Variants in DOP1B observed in about 807,000 individuals in gnomAD.
DOP1B encodes protein DOP1B.
Under a neutral mutation model 233.5 loss-of-function variants are expected in DOP1B, and 174 were observed. That is an observed-to-expected ratio of 0.75 (90% confidence interval 0.66 to 0.85). DOP1B has a LOEUF of 0.85. DOP1B is among the 40% of genes least tolerant of loss of function. The pLI is 0.00. For synonymous variants in DOP1B, 1,190 were observed against 1,185.6 expected (o/e 1.00, Z -0.08); for missense variants, 2,652 against 2,846.6 (o/e 0.93, Z 1.56).
At chr21:36,187,373 C>T (rs538934925) in intron 2 of DOP1B, among the ~76,000 whole-genome samples, 77 of 150,028 alleles carry the variant, frequency 5.1e-4, no homozygotes, top group Admixed American at 3.4e-3. Context: ...CAGCTCACTG[C>T]AACCTCCGCC....
chr21:36,195,307 C>CTCCA, intron 2 of DOP1B, among the ~76,000 whole-genome samples: 1 of 142,976 alleles, frequency 7.0e-6, no homozygotes, highest in Middle Eastern at 3.8e-3. Flanking sequence ...CACCACTGCA[C>CTCCA]TCCAGCCTTG....
At chr21:36,213,156 A>C (rs1339850620) in intron 7 of DOP1B, among the ~76,000 whole-genome samples, 1 of 152,200 alleles carries the variant, frequency 6.6e-6, no homozygotes, top group African/African-American at 2.4e-5. Context: ...CTAGTTATAA[A>C]ACTTTAGAAA....
Position 36,293,491 on chromosome 21 carries a change from C to A in DOP1B, c.6817C>A (p.Pro2273Thr), listed in dbSNP as rs1228621292. ...DSPGTPFLDFPVTDSPRILKQ... is the reference protein window; with the variant it reads ...DSPGTPFLDFTVTDSPRILKQ... ...CCCAGGAACTCCATTCTTGGACTTT[C>A]CTGTCACAGATAGCCCAAGGATCTT... The change falls in exon 37 of 37, where the codon CCT becomes ACT. Residue 2273 changes from proline to threonine, a missense_variant. Transcript: ENST00000691173. 6.2e-7 allele frequency: 1 copy of A among 1,614,098 alleles called. No individual in the cohort carries two copies. Among genetic ancestry groups the A allele is most frequent in the East Asian group, 2.2e-5 (1 of 44,882 alleles).
intron 24 of DOP1B, chr21:36,261,430 GTTT>G: frequency 1.0e-6 from 1 of 988,428 alleles, no homozygotes; most frequent in South Asian, 4.7e-5. Context: ...GCCTTCCCAT[GTTT>G]TATGTGGAGA....
At chr21:36,254,907 G>GGAGA (rs994604085) in intron 23 of DOP1B, among the ~76,000 whole-genome samples, 1 of 151,854 alleles carries the variant, frequency 6.6e-6, no homozygotes, top group Non-Finnish European at 1.5e-5. Context: ...ATCAGCTCAA[G>GGAGA]GAGAGAGTCT....
chr21:36,280,587 C>G (rs376373904), intron 31 of DOP1B, among the ~76,000 whole-genome samples: 3 of 152,158 alleles, frequency 2.0e-5, no homozygotes, highest in Non-Finnish European at 4.4e-5. Flanking sequence ...GAAATACTGC[C>G]GAAAGCATCC....
chr21:36,199,061 G>C lies in DOP1B; in HGVS notation c.139-9G>C. On this transcript the variant is annotated splice_polypyrimidine_tract_variant and intron_variant, in intron 2 of 36. Transcript: ENST00000691173. ...CTTCCTCATGTGTTTTTTTTGTCTT[G>C]TTTGACAGGCTCTTCAGAGTAACCT... The C allele has an allele frequency of 6.3e-7, 1 of 1,594,710 alleles. No individual in the cohort carries two copies.
At chr21:36,259,395 T>C (rs2067144626) in intron 23 of DOP1B, among the ~76,000 whole-genome samples, 1 of 151,806 alleles carries the variant, frequency 6.6e-6, no homozygotes, top group African/African-American at 2.4e-5. Context: ...CTCTGCCTCC[T>C]GAGTAGCTGG....
At chr21:36,219,246 T>A in intron 9 of DOP1B, 126 bp from the exon 10 acceptor site, 1 of 1,260,852 alleles carries the variant, frequency 7.9e-7, no homozygotes. Flanking sequence ...TCTGTATATT[T>A]TAGACTATAT....
intron 12 of DOP1B, among the ~76,000 whole-genome samples, chr21:36,226,880 G>A (rs2066690083): frequency 1.3e-5 from 2 of 152,144 alleles, no homozygotes; most frequent in Non-Finnish European, 2.9e-5. Context: ...TTATAGGCAT[G>A]AGCCACTACG....
chr21:36,161,718 C>T (rs184553974), intron 1 of DOP1B, among the ~76,000 whole-genome samples: 5 of 152,316 alleles, frequency 3.3e-5, no homozygotes, highest in Admixed American at 2.6e-4. Context: ...CATTTTAGCA[C>T]GTTTGCCTTA....
chr21:36,220,667 A>ATTTTT (rs201067094), intron 10 of DOP1B, among the ~76,000 whole-genome samples: 4 of 134,898 alleles, frequency 3.0e-5, no homozygotes, highest in Non-Finnish European at 4.7e-5. Context: ...TGCCCAGCTA[A>ATTTTT]TTTTTTTTTT....
chr21:36,272,852 C>T (rs1354861980), intron 27 of DOP1B, among the ~76,000 whole-genome samples: 5 of 151,084 alleles, frequency 3.3e-5, no homozygotes, highest in Admixed American at 2.0e-4. Context: ...GGTGTGGTGG[C>T]GCATGCCTGG....
At position 36,225,587 on chromosome 21, in the gene DOP1B, G is replaced by T. The variant is rs371338959; in HGVS notation, c.1393G>T (p.Val465Leu). The T allele has an allele frequency of 1.2e-6, 2 of 1,614,102 alleles. No homozygotes were observed. Among genetic ancestry groups the T allele is most frequent in the Non-Finnish European group, 1.7e-6 (2 of 1,180,016 alleles). Residue 465 changes from valine to leucine, a missense_variant, in exon 12 of 37, where the codon GTG becomes TTG. Val to Leu is a conservative substitution (Grantham distance 32, BLOSUM62 1). Transcript: ENST00000691173. Reference sequence around the variant, plus strand: ...TAGACCAGTGAAGCAGCGTTACAGCGTGAGGAACAGCGTCAGCCCTCCCCC... The same window carrying T: ...TAGACCAGTGAAGCAGCGTTACAGCTTGAGGAACAGCGTCAGCCCTCCCCC... Reference protein sequence around the residue: ...CFRPVKQRYSVRNSVSPPPTV... With the variant: ...CFRPVKQRYSLRNSVSPPPTV...
rs147991550 is a variant in DOP1B at position 36,246,552 on chromosome 21, G to C, written c.4572G>C (p.Thr1524=). Residue 1524 remains threonine, a synonymous_variant, in exon 19 of 37, where the codon ACG becomes ACC. Transcript: ENST00000691173. This position sits in a 1 kb window ranked among gnomAD's most constrained non-coding sequence, Gnocchi z 5.1. ...GMHPAWVSLV[T]HSLPYFGKSL... is the part of the protein sequence containing the mutation. ...ATCCGGCCTGGGTGAGCTTGGTCAC[G>C]CATTCCTTGCCCTACTTCGGAAAGT... is the stretch of plus-strand genomic sequence containing the variant. 6.8e-6 allele frequency: 11 copies of C among 1,614,044 alleles called. No homozygotes were observed. The highest frequency in any genetic ancestry group is 1.3e-5 in the African/African-American group (1 of 74,940).
intron 18 of DOP1B, among the ~76,000 whole-genome samples, chr21:36,244,392 A>G (rs928810872): frequency 3.3e-5 from 5 of 151,942 alleles, no homozygotes; most frequent in African/African-American, 9.7e-5. Flanking sequence ...TGGCTTTGAA[A>G]GTCTTCTGCT....
At chr21:36,184,394 G>C (rs540673624) in intron 2 of DOP1B, among the ~76,000 whole-genome samples, 2 of 152,028 alleles carry the variant, frequency 1.3e-5, no homozygotes, top group Non-Finnish European at 2.9e-5. Context: ...ATGTTGCCCA[G>C]GCTGGTCTTG....
intron 24 of DOP1B, chr21:36,260,940 C>A: frequency 7.3e-7 from 1 of 1,361,058 alleles, no homozygotes; most frequent in South Asian, 1.9e-5. Flanking sequence ...GTGCAGCGTA[C>A]TTTGAACACT....
In DOP1B at chr21:36,263,785, G is replaced by GA; in HGVS notation, c.5462dup (p.Asn1821LysfsTer51). 6.2e-7 allele frequency: 1 copy of GA among 1,614,160 alleles called. No individual in the cohort carries two copies. Among genetic ancestry groups the GA allele is most frequent in the South Asian group, 1.1e-5 (1 of 91,082 alleles). ...CTTTGTAACAAGAACTCCCAACCTG[G>GA]AAAACAAGAAGGACCAAAAAGACCT... On this transcript the variant is annotated frameshift_variant, in exon 26 of 37. Transcript: ENST00000691173. LOFTEE classifies it high-confidence loss of function.
Sources: gnomAD v4.1 joint callset for allele counts (sites outside exome capture counted in the v4.1 genomes callset) on GRCh38, gnomAD v4.1.1 for gene constraint, Gnocchi (gnomAD v3.1) non-coding constraint, MANE v1.5 for transcripts, NCBI Gene and HGNC (gene_info 2026-07-23, HGNC 2026-07-21) for gene names.